The following MCTP1 variants were observed in gnomAD, a reference collection of about 807,000 sequenced individuals.
MCTP1 encodes the protein multiple C2 and transmembrane domain containing 1, also known as multiple C2 and transmembrane domain-containing protein 1.
MCTP1 carries 69 observed loss-of-function variants against 120.6 expected under a neutral mutation model. The ratio of observed to expected loss-of-function variants is 0.57; its 90% CI spans 0.47 to 0.70. The LOEUF is 0.70. MCTP1 is among the 30% of genes least tolerant of loss of function. MCTP1 has a pLI of 0.00. For synonymous variants in MCTP1, 529 were observed against 493.1 expected (o/e 1.07, Z -0.96); for missense variants, 1,203 against 1,248.8 (o/e 0.96, Z 0.55).
intron 2 of MCTP1, among the ~76,000 whole-genome samples, chr5:94,983,680 T>C (rs1488321602): frequency 6.6e-6 from 1 of 152,176 alleles, no homozygotes; most frequent in South Asian, 2.1e-4. Context: ...TCTATCTATC[T>C]ATCTATCTAT....
intron 1 of MCTP1, among the ~76,000 whole-genome samples, chr5:95,082,864 T>A (rs1246153799): frequency 6.6e-6 from 1 of 152,124 alleles, no homozygotes; most frequent in Non-Finnish European, 1.5e-5. Flanking sequence ...AGTCTTCAGG[T>A]GGTGGTTCAA....
intron 6 of MCTP1, 153 bp downstream of exon 6, chr5:94,931,800 A>C (rs1455459773): frequency 1.5e-6 from 1 of 651,310 alleles, no homozygotes; most frequent in East Asian, 2.7e-5. Context: ...TATTTAAAAA[A>C]CATCACATGG....
chr5:94,978,503 T>TAA (rs1446099118), intron 2 of MCTP1, among the ~76,000 whole-genome samples: 3 of 152,076 alleles, frequency 2.0e-5, no homozygotes, highest in Non-Finnish European at 2.9e-5. Context: ...TATATATATA[T>TAA]AATGGAATAT....
chr5:94,968,170 T>C (rs953107488), intron 2 of MCTP1, among the ~76,000 whole-genome samples: 1 of 152,226 alleles, frequency 6.6e-6, no homozygotes, highest in Non-Finnish European at 1.5e-5. Context: ...AAGTATATTT[T>C]AGCAAGATAT....
At chr5:95,183,137 C>CT (rs1230881342) in intron 1 of MCTP1, among the ~76,000 whole-genome samples, 1 of 152,000 alleles carries the variant, frequency 6.6e-6, no homozygotes, top group East Asian at 1.9e-4. Flanking sequence ...AGAAATAGAT[C>CT]CATACATAAG....
chr5:95,116,819 A>C (rs1035925527), intron 1 of MCTP1, among the ~76,000 whole-genome samples: 1 of 152,062 alleles, frequency 6.6e-6, no homozygotes, highest in Non-Finnish European at 1.5e-5. Flanking sequence ...GAATTCATTT[A>C]TGACTTGGCT....
intron 1 of MCTP1, among the ~76,000 whole-genome samples, chr5:95,253,051 G>A (rs987296587): frequency 2.6e-5 from 4 of 152,080 alleles, no homozygotes; most frequent in Non-Finnish European, 5.9e-5. Flanking sequence ...CTGTTGCCAT[G>A]AGCCAATGCT....
chr5:94,916,373 T>A (rs1810054984), intron 8 of MCTP1, among the ~76,000 whole-genome samples: 1 of 152,222 alleles, frequency 6.6e-6, no homozygotes, highest in South Asian at 2.1e-4. Flanking sequence ...ATGTTTGATT[T>A]TTCTAGACTG....
chr5:95,210,428 G>A (rs1466682658), intron 1 of MCTP1, among the ~76,000 whole-genome samples: 23 of 144,032 alleles, frequency 1.6e-4, no homozygotes, highest in African/African-American at 3.1e-4. Context: ...CCATTATGTA[G>A]TGGCCTTCTT....
chr5:95,036,815 G>T (rs73138067), intron 1 of MCTP1, among the ~76,000 whole-genome samples: 2 of 152,042 alleles, frequency 1.3e-5, no homozygotes, highest in Non-Finnish European at 2.9e-5. Flanking sequence ...TAGTTTTTCT[G>T]AATAGGAAAT....
chr5:95,215,615 C>T (rs1014187631), intron 1 of MCTP1, among the ~76,000 whole-genome samples: 3 of 151,748 alleles, frequency 2.0e-5, no homozygotes, highest in Non-Finnish European at 4.4e-5. Context: ...CTTTTTTAGC[C>T]TTGTTATTTT....
intron 17 of MCTP1, among the ~76,000 whole-genome samples, chr5:94,831,693 A>G (rs2153161994): frequency 6.6e-6 from 1 of 152,220 alleles, no homozygotes; most frequent in Middle Eastern, 3.4e-3. Context: ...GCTAAGCTTT[A>G]ATGAGTTTTA....
intron 1 of MCTP1, among the ~76,000 whole-genome samples, chr5:95,209,580 A>C (rs1752081169): frequency 6.6e-6 from 1 of 152,174 alleles, no homozygotes; most frequent in Admixed American, 6.6e-5. Context: ...CTTTTAGTAA[A>C]GAGTAATTTC....
In MCTP1 at chr5:95,194,623, C is replaced by T. The variant is rs78270383; in HGVS notation, c.720+89233G>A. Among the ~76,000 whole-genome samples the T allele has an allele frequency of 2.8e-3, 424 of 152,286 alleles. 2 individuals carry two copies. Among genetic ancestry groups the T allele is most frequent in the African/African-American group, 9.7e-3 (403 of 41,552 alleles). On this transcript the variant is annotated intron_variant, in intron 1 of 22. Coordinates refer to ENST00000515393, the MANE Select transcript of MCTP1 (RefSeq NM_024717.7). ...GTATATGTACAGTCACTATCCAACA[C>T]CTTTGTTTTCAACTAATATCATGGG... is the stretch of plus-strand genomic sequence containing the variant.
chr5:95,010,182 C>T (rs577259797), intron 2 of MCTP1, among the ~76,000 whole-genome samples: 99 of 152,056 alleles, frequency 6.5e-4, no homozygotes, highest in Non-Finnish European at 1.3e-3. Context: ...TTCCAACCAC[C>T]ACATGGTTTC....
chr5:94,977,936 G>A, intron 2 of MCTP1, among the ~76,000 whole-genome samples: 2 of 151,978 alleles, frequency 1.3e-5, no homozygotes, highest in Non-Finnish European at 2.9e-5. Context: ...GTAAAACCAG[G>A]CAAATGGGAC....
At chr5:94,743,216 C>A (rs897093662) in intron 19 of MCTP1, among the ~76,000 whole-genome samples, 5 of 148,494 alleles carry the variant, frequency 3.4e-5, no homozygotes, top group African/African-American at 1.2e-4. Flanking sequence ...TGGGACGAAG[C>A]AAGAATTGGC....
chr5:94,758,337 T>C (rs867709486), intron 19 of MCTP1, among the ~76,000 whole-genome samples: 1 of 152,220 alleles, frequency 6.6e-6, no homozygotes, highest in African/African-American at 2.4e-5. Flanking sequence ...CACATGCCTA[T>C]AGTCCTAGCT....
intron 9 of MCTP1, among the ~76,000 whole-genome samples, chr5:94,909,600 T>C (rs973119702): frequency 2.8e-4 from 42 of 152,060 alleles, no homozygotes; most frequent in Non-Finnish European, 2.9e-5. Flanking sequence ...GTCCTGAAAA[T>C]CACAAGACAT....
Sources: gnomAD v4.1 joint callset for allele counts (sites outside exome capture counted in the v4.1 genomes callset) on GRCh38, gnomAD v4.1.1 for gene constraint, MANE v1.5 for transcripts, NCBI Gene and HGNC (gene_info 2026-07-23, HGNC 2026-07-21) for gene names.